The following SLC45A4 variants were observed in gnomAD, a reference collection of about 807,000 sequenced individuals.
The protein encoded by SLC45A4 is solute carrier family 45 member 4.
In SLC45A4, 32 loss-of-function variants were observed where a neutral mutation model predicts 63.7. The ratio of observed to expected loss-of-function variants is 0.50; its 90% CI spans 0.38 to 0.67. The LOEUF is 0.67. Ranked by LOEUF, SLC45A4 falls within the 30% of genes least tolerant of loss-of-function variation. The pLI is 0.00. For synonymous variants in SLC45A4, 535 were observed against 510.0 expected (o/e 1.05, Z -0.66); for missense variants, 1,027 against 1,157.7 (o/e 0.89, Z 1.64).
At chr8:141,269,618 A>G (rs1165276432) in intron 1 of SLC45A4, among the ~76,000 whole-genome samples, 1 of 144,092 alleles carries the variant, frequency 6.9e-6, no homozygotes, top group South Asian at 2.2e-4. Context: ...ATGTCTGCCT[A>G]TGTGTCTGTG....
Position 141,256,564 on chromosome 8 carries a change from C to T in SLC45A4, c.-400-1935G>A, listed in dbSNP as rs1828792532. 2.2e-6 allele frequency: 1 copy of T among 456,184 alleles called. No homozygotes were observed. The highest frequency in any genetic ancestry group is 4.4e-6 in the Non-Finnish European group (1 of 226,984). 28.3% of individuals were successfully genotyped at this position (456,184 alleles called of 1,614,324 possible). ...AGAAGACTCCGCTGTACAGGAGGTTCTGGAAGGAAGCCGTGCGCCTGGCTC... is the reference window on the plus strand; with the variant it reads ...AGAAGACTCCGCTGTACAGGAGGTTTTGGAAGGAAGCCGTGCGCCTGGCTC... On this transcript the variant is annotated intron_variant, in intron 1 of 8. Transcript: ENST00000517878. This position sits in a 1 kb window ranked among gnomAD's most constrained non-coding sequence, Gnocchi z 4.3.
chr8:141,232,085 G>A (rs538345100), intron 2 of SLC45A4, among the ~76,000 whole-genome samples: 4 of 152,226 alleles, frequency 2.6e-5, no homozygotes, highest in Non-Finnish European at 4.4e-5. Flanking sequence ...CTCCTCTGCC[G>A]CTGGCCTACA....
intron 2 of SLC45A4, among the ~76,000 whole-genome samples, chr8:141,240,059 A>C (rs376620941): frequency 6.6e-6 from 1 of 152,250 alleles, no homozygotes; most frequent in African/African-American, 2.4e-5. Flanking sequence ...GATTCACACG[A>C]AACGACAATG....
In SLC45A4 at chr8:141,215,796, G is replaced by C; in HGVS notation, c.1904C>G (p.Pro635Arg). ...ATGGTACTGGCCCAGCAGGGCGTAC[G>C]GGCAGTAGGAGATGCTCATGGAGAC... ...GIVSMSISYC[P>R]YALLGQYHDI... Residue 635 changes from proline to arginine, a missense_variant, in exon 7 of 9, where the codon CCG becomes CGG. Coordinates refer to ENST00000517878, the MANE Select transcript of SLC45A4 (RefSeq NM_001286646.2). This position sits in a 1 kb window ranked among gnomAD's most constrained non-coding sequence, Gnocchi z 4.3. 6.2e-7 allele frequency: 1 copy of C among 1,613,930 alleles called. No individual in the cohort carries two copies. The highest frequency in any genetic ancestry group is 2.2e-5 in the East Asian group (1 of 44,874).
chr8:141,221,846 C>G (rs6984883), intron 2 of SLC45A4, 81 bp from the exon 3 acceptor site: 901,383 of 1,485,816 alleles, frequency 0.61, 276,521 homozygotes, highest in East Asian at 0.83. Flanking sequence ...CCGCGACAGG[C>G]AGGTGCCTCT....
chr8:141,237,283 C>T (rs1415970309), intron 2 of SLC45A4, among the ~76,000 whole-genome samples: 1 of 152,136 alleles, frequency 6.6e-6, no homozygotes, highest in Non-Finnish European at 1.5e-5. Context: ...GTCGTCCTTC[C>T]CTGCCTGAAA....
intron 1 of SLC45A4, among the ~76,000 whole-genome samples, chr8:141,298,845 CA>C (rs1378607085): frequency 6.6e-6 from 1 of 151,980 alleles, no homozygotes; most frequent in African/African-American, 2.4e-5. Flanking sequence ...AAGTCGAATC[CA>C]AGGCATGGAG....
At chr8:141,217,239 C>T (rs199977679) in intron 5 of SLC45A4, 50 bp from the exon 6 acceptor site, 180 of 1,567,774 alleles carry the variant, frequency 1.1e-4, no homozygotes, top group Middle Eastern at 1.0e-3. Flanking sequence ...CTGGGCCCTC[C>T]AGGCCAGGAG....
At position 141,256,411 on chromosome 8, in the gene SLC45A4, T is replaced by G. The variant is rs1828776088; in HGVS notation, c.-400-1782A>C. 1 of 371,318 alleles carries G rather than the reference T, an allele frequency of 2.7e-6. No homozygotes were observed. Among genetic ancestry groups the G allele is most frequent in the Non-Finnish European group, 5.4e-6 (1 of 185,492 alleles). 23.0% of individuals were successfully genotyped at this position (371,318 alleles called of 1,614,324 possible). A position where few individuals can be genotyped will look rare whatever the true frequency, so the allele number is the denominator to read the frequency against. On this transcript the variant is annotated intron_variant, in intron 1 of 8. Coordinates refer to ENST00000517878, the MANE Select transcript of SLC45A4 (RefSeq NM_001286646.2). This position sits in a 1 kb window ranked among gnomAD's most constrained non-coding sequence, Gnocchi z 4.3. ...ACTTTCCACCGAACCAAAGGTGGTC[T>G]TAATTAGCTCCTCCTCTCTTTCTCC...
At position 141,299,483 on chromosome 8, in the gene SLC45A4, C is replaced by T. The variant is rs577736097; in HGVS notation, c.-401+8613G>A. ...CCACCTGAGCTGTGGGTGTCGTTCT[C>T]GCCACCAAATCAGAGCTGCCCTTCA... On this transcript the variant is annotated intron_variant, in intron 1 of 8. Coordinates refer to ENST00000517878, the MANE Select transcript of SLC45A4 (RefSeq NM_001286646.2). Among the ~76,000 whole-genome samples, 117 of 152,328 alleles carry T rather than the reference C, an allele frequency of 7.7e-4. 1 individual carries two copies. The highest frequency in any genetic ancestry group is 2.7e-3 in the African/African-American group (113 of 41,560).
At position 141,251,532 on chromosome 8, in the gene SLC45A4, G is replaced by A. The variant is rs531542091; in HGVS notation, c.241+2457C>T. On this transcript the variant is annotated intron_variant, in intron 2 of 8. Transcript: ENST00000517878. The stretch of plus-strand genomic sequence containing the variant: ...CTAGGATATGATAGGCACCCAAGGA[G>A]CACAAGCAGAATAAATGCAGAATCA... 5.3e-5 allele frequency among the ~76,000 whole-genome samples: 8 copies of A among 152,018 alleles called. No individual in the cohort carries two copies. In the East Asian group the frequency reaches 1.6e-3, roughly 30 times the overall value.
intron 2 of SLC45A4, chr8:141,252,156 A>G (rs1241016882): frequency 6.6e-6 from 1 of 151,878 alleles, no homozygotes; most frequent in Non-Finnish European, 1.5e-5. Context: ...CTTACCAGAT[A>G]CCTTATATTG....
chr8:141,244,120 C>T (rs1467465819), intron 2 of SLC45A4, among the ~76,000 whole-genome samples: 2 of 152,184 alleles, frequency 1.3e-5, no homozygotes, highest in East Asian at 3.9e-4. Context: ...GACTGCGCCC[C>T]TATTCTTCAT....
intron 1 of SLC45A4, among the ~76,000 whole-genome samples, chr8:141,286,003 T>A (rs938681810): frequency 6.6e-6 from 1 of 152,190 alleles, no homozygotes; most frequent in African/African-American, 2.4e-5. Context: ...GGGGCAGACG[T>A]GAGCGGCACC....
intron 2 of SLC45A4, chr8:141,230,162 T>C (rs1206618525): frequency 6.6e-6 from 3 of 455,276 alleles, no homozygotes; most frequent in African/African-American, 6.0e-5. Context: ...CTCTTGGAAG[T>C]AGGTTTCCCA....
At chr8:141,219,620 G>A (rs367545214) in intron 4 of SLC45A4, 30 bp downstream of exon 4, 8 of 1,577,976 alleles carry the variant, frequency 5.1e-6, no homozygotes, top group East Asian at 4.5e-5. Context: ...GTTGGAACCC[G>A]GCCACCCAGC....
chr8:141,256,915 G>A lies in SLC45A4; in HGVS notation c.-400-2286C>T, dbSNP rs1828821949. 1 of 285,552 alleles carries A rather than the reference G, an allele frequency of 3.5e-6. No individual in the cohort carries two copies. The highest frequency in any genetic ancestry group is 4.4e-5 in the Admixed American group (1 of 22,648). 17.7% of individuals were successfully genotyped at this position (285,552 alleles called of 1,614,324 possible). A position where few individuals can be genotyped will look rare whatever the true frequency, so the allele number is the denominator to read the frequency against. Reference sequence around the variant, plus strand: ...GTTGCCCAGGCTGGAGTGCAGTGGTGTGATCTCGGCTCACTGCAACCTCCG... The same window carrying A: ...GTTGCCCAGGCTGGAGTGCAGTGGTATGATCTCGGCTCACTGCAACCTCCG... On this transcript the variant is annotated intron_variant, in intron 1 of 8. Transcript: ENST00000517878. The surrounding 1 kb of genome is among the most constrained non-coding windows in gnomAD (Gnocchi z 4.3).
chr8:141,216,362 A>C (rs550233855), intron 6 of SLC45A4, among the ~76,000 whole-genome samples: 1 of 152,308 alleles, frequency 6.6e-6, no homozygotes, highest in Non-Finnish European at 1.5e-5. Context: ...CCTCGGGAAC[A>C]CACATTTTTG....
chr8:141,283,053 T>C (rs1740884154), intron 1 of SLC45A4, among the ~76,000 whole-genome samples: 1 of 152,246 alleles, frequency 6.6e-6, no homozygotes, highest in Admixed American at 6.5e-5. Flanking sequence ...CCTGAAGGGA[T>C]AAAGAAGTGC....
Sources: gnomAD v4.1 joint callset for allele counts (sites outside exome capture counted in the v4.1 genomes callset) on GRCh38, gnomAD v4.1.1 for gene constraint, Gnocchi (gnomAD v3.1) non-coding constraint, MANE v1.5 for transcripts, NCBI Gene and HGNC (gene_info 2026-07-23, HGNC 2026-07-21) for gene names.